The following SAMD12 variants were observed in gnomAD, a reference collection of about 807,000 sequenced individuals.
The protein encoded by SAMD12 is sterile alpha motif domain-containing protein 12.
In SAMD12, 9 loss-of-function variants were observed where a neutral mutation model predicts 15.0. The observed-to-expected ratio is 0.60, with a 90% confidence interval of 0.36 to 1.05. The LOEUF is 1.05. SAMD12 is among the 50% of genes least tolerant of loss of function. The pLI, the probability that SAMD12 is intolerant of heterozygous loss-of-function variation, is 0.01. For missense variants in SAMD12, 230 were observed against 234.2 expected (o/e 0.98, Z 0.12); for synonymous variants, 86 against 90.1 (o/e 0.96, Z 0.25).
At chr8:118,547,215 A>T (rs934783408) in intron 2 of SAMD12, among the ~76,000 whole-genome samples, 2 of 152,144 alleles carry the variant, frequency 1.3e-5, no homozygotes, top group South Asian at 2.1e-4. Context: ...GTCTTTTTTA[A>T]AAAAAATGTA....
intron 2 of SAMD12, among the ~76,000 whole-genome samples, chr8:118,535,696 A>G (rs1000021608): frequency 2.6e-5 from 4 of 152,126 alleles, no homozygotes; most frequent in East Asian, 3.9e-4. Context: ...TCCATCTCAG[A>G]CTGCTGTGCC....
intron 2 of SAMD12, among the ~76,000 whole-genome samples, chr8:118,487,382 G>C (rs1407141630): frequency 6.6e-6 from 1 of 152,200 alleles, no homozygotes; most frequent in Admixed American, 6.5e-5. Context: ...ACCAGGAGGG[G>C]CTGGAAGACA....
chr8:118,221,922 C>T (rs999320895), intron 4 of SAMD12, among the ~76,000 whole-genome samples: 2 of 152,164 alleles, frequency 1.3e-5, no homozygotes, highest in Non-Finnish European at 2.9e-5. Context: ...CAGTCTCCCT[C>T]GCACCAAGCA....
chr8:118,363,691 A>T (rs1182534220), intron 4 of SAMD12, among the ~76,000 whole-genome samples: 1 of 152,192 alleles, frequency 6.6e-6, no homozygotes, highest in African/African-American at 2.4e-5. Flanking sequence ...ACATCAGCAG[A>T]TTCTTTATAA....
chr8:118,499,615 A>C (rs896259207), intron 2 of SAMD12, among the ~76,000 whole-genome samples: 3 of 152,224 alleles, frequency 2.0e-5, no homozygotes, highest in African/African-American at 7.2e-5. Context: ...CTTTCAGAAT[A>C]GTTTCATATG....
exon 5 of SAMD12, chr8:118,189,994 G>A (rs1186340391): frequency 2.7e-5 from 4 of 150,500 alleles, no homozygotes; most frequent in Non-Finnish European, 3.0e-5. Context: ...ACAGTTGTGG[G>A]AAATGAATAC....
intron 4 of SAMD12, among the ~76,000 whole-genome samples, chr8:118,249,112 A>G (rs1337593732): frequency 6.6e-6 from 1 of 152,166 alleles, no homozygotes; most frequent in Non-Finnish European, 1.5e-5. Context: ...ATAATATCTA[A>G]TACAATGCTT....
At chr8:118,252,772 G>C (rs1270803643) in intron 4 of SAMD12, among the ~76,000 whole-genome samples, 1 of 152,116 alleles carries the variant, frequency 6.6e-6, no homozygotes, top group African/African-American at 2.4e-5. Flanking sequence ...AGAAGGCGCT[G>C]GGAGCTCACT....
intron 2 of SAMD12, among the ~76,000 whole-genome samples, chr8:118,463,277 G>A (rs1415889989): frequency 6.6e-6 from 1 of 152,146 alleles, no homozygotes; most frequent in Non-Finnish European, 1.5e-5. Flanking sequence ...AGGGAATGGG[G>A]AGAAGTCCAG....
chr8:118,379,313 C>A lies in SAMD12; in HGVS notation c.*104G>T. On this transcript the variant is annotated 3_prime_UTR_variant, in exon 4 of 4. Coordinates refer to ENST00000314727, the MANE Select transcript of SAMD12 (RefSeq NM_207506.3). Reference sequence around the variant, plus strand: ...ACACAATCCATACAACTGTACGTGACCACCTTGAAGTTAGCTCAGGTAATT... The same window carrying A: ...ACACAATCCATACAACTGTACGTGAACACCTTGAAGTTAGCTCAGGTAATT... 1 of 1,490,380 alleles carries A rather than the reference C, an allele frequency of 6.7e-7. No homozygotes were observed. Among genetic ancestry groups the A allele is most frequent in the Non-Finnish European group, 8.9e-7 (1 of 1,124,520 alleles). 92.3% of individuals were successfully genotyped at this position (1,490,380 alleles called of 1,614,324 possible). A position where few individuals can be genotyped will look rare whatever the true frequency, so the allele number is the denominator to read the frequency against.
At chr8:118,527,114 C>T (rs1825556482) in intron 2 of SAMD12, among the ~76,000 whole-genome samples, 1 of 152,186 alleles carries the variant, frequency 6.6e-6, no homozygotes, top group South Asian at 2.1e-4. Context: ...TGATCCTTCC[C>T]TTCTCTTCAT....
chr8:118,345,437 C>T (rs1018405441), intron 4 of SAMD12, among the ~76,000 whole-genome samples: 1 of 152,040 alleles, frequency 6.6e-6, no homozygotes, highest in Admixed American at 6.6e-5. Context: ...ATGGTAGAGA[C>T]AGAGATACTG....
chr8:118,364,551 T>A (rs1481783161), intron 4 of SAMD12, among the ~76,000 whole-genome samples: 1 of 152,164 alleles, frequency 6.6e-6, no homozygotes, highest in African/African-American at 2.4e-5. Context: ...TGGAGTGCTG[T>A]GGGCTCTGAA....
intron 3 of SAMD12, among the ~76,000 whole-genome samples, chr8:118,434,532 A>C (rs1314969139): frequency 6.6e-6 from 1 of 152,178 alleles, no homozygotes; most frequent in Non-Finnish European, 1.5e-5. Flanking sequence ...AAGCCAAACG[A>C]GGTGAAGTGA....
At chr8:118,210,952 A>C (rs1314728977) in intron 4 of SAMD12, among the ~76,000 whole-genome samples, 1 of 152,222 alleles carries the variant, frequency 6.6e-6, no homozygotes, top group Non-Finnish European at 1.5e-5. Flanking sequence ...TGTGCTAAAC[A>C]TCAGGGATAT....
intron 3 of SAMD12, 125 bp from the exon 4 acceptor site, chr8:118,379,825 A>AATGG: frequency 1.6e-6 from 2 of 1,212,792 alleles, no homozygotes; most frequent in Non-Finnish European, 2.3e-6. Flanking sequence ...ATTTTAGAAT[A>AATGG]AAGGTCTTCC....
intron 4 of SAMD12, among the ~76,000 whole-genome samples, chr8:118,205,891 C>T (rs754714529): frequency 1.6e-4 from 24 of 152,182 alleles, no homozygotes; most frequent in Non-Finnish European, 2.1e-4. Flanking sequence ...TGTGTGCAAA[C>T]TGTCTCTCTC....
chr8:118,201,251 T>C (rs1026859000), intron 4 of SAMD12, among the ~76,000 whole-genome samples: 4 of 152,214 alleles, frequency 2.6e-5, no homozygotes, highest in African/African-American at 9.6e-5. Context: ...CTTCTGGCTC[T>C]GCATATGTGT....
intron 4 of SAMD12, among the ~76,000 whole-genome samples, chr8:118,198,866 C>T (rs1240871184): frequency 1.3e-5 from 2 of 151,766 alleles, no homozygotes; most frequent in Non-Finnish European, 2.9e-5. Context: ...TAATTCCATT[C>T]CTAGGAGTAT....
Sources: allele counts gnomAD v4.1 joint callset (sites outside exome capture counted in the v4.1 genomes callset), GRCh38; gene constraint gnomAD v4.1.1; transcripts MANE v1.5; gene names NCBI Gene and HGNC (gene_info 2026-07-23, HGNC 2026-07-21).